Variants in MARCHF7 observed in about 807,000 individuals in gnomAD.
The protein encoded by MARCHF7 is membrane associated ring-CH-type finger 7, also known as E3 ubiquitin-protein ligase MARCHF7.
MARCHF7 carries 20 observed loss-of-function variants against 76.5 expected under a neutral mutation model. The ratio of observed to expected loss-of-function variants is 0.26; its 90% confidence interval spans 0.18 to 0.38. The LOEUF is 0.38. MARCHF7 is among the 10% of genes least tolerant of loss of function. The pLI is 1.00. For synonymous variants in MARCHF7, 295 were observed against 293.0 expected, an observed-to-expected ratio of 1.01 and a Z score of -0.07; for missense variants, 797 against 812.9, an observed-to-expected ratio of 0.98 and a Z score of 0.24.
intron 3 of MARCHF7, among the ~76,000 whole-genome samples, chr2:159,720,343 T>C (rs536341470): frequency 1.3e-5 from 2 of 152,218 alleles, no homozygotes; most frequent in East Asian, 3.9e-4. Context: ...TTCTGAAGAG[T>C]CTAGGCCAAT....
intron 4 of MARCHF7, among the ~76,000 whole-genome samples, chr2:159,730,169 G>C (rs1234080698): frequency 6.6e-6 from 1 of 152,164 alleles, no homozygotes; most frequent in African/African-American, 2.4e-5. Flanking sequence ...CTGAGTAGCT[G>C]AGATTATAGG....
chr2:159,752,687 T>A, intron 8 of MARCHF7, 116 bp downstream of exon 8: 1 of 979,454 alleles, frequency 1.0e-6, no homozygotes, highest in South Asian at 2.3e-5. Context: ...GTCTTAATCA[T>A]TTTTGAAGTC....
intron 4 of MARCHF7, among the ~76,000 whole-genome samples, chr2:159,729,685 A>T (rs1270541208): frequency 2.0e-5 from 3 of 151,828 alleles, no homozygotes; most frequent in Admixed American, 2.0e-4. Flanking sequence ...AAAAAAAAAA[A>T]TGCTTTCCAA....
At chr2:159,744,089 G>A (rs946753656) in intron 5 of MARCHF7, among the ~76,000 whole-genome samples, 28 of 132,210 alleles carry the variant, frequency 2.1e-4, no homozygotes, top group African/African-American at 6.9e-4. Context: ...CCGGGTTCAC[G>A]CCATTCTCCT....
chr2:159,753,315 T>A (rs1705883613), intron 8 of MARCHF7, among the ~76,000 whole-genome samples: 1 of 152,144 alleles, frequency 6.6e-6, no homozygotes, highest in Non-Finnish European at 1.5e-5. Context: ...CTCATGCCTG[T>A]AATCCCAGCA....
intron 4 of MARCHF7, among the ~76,000 whole-genome samples, chr2:159,741,459 A>ATCT (rs34065290): frequency 0.34 from 52,209 of 151,860 alleles, 9,133 homozygotes; most frequent in South Asian, 0.44. Context: ...TTCAGTTACC[A>ATCT]TCTTTGACTC....
chr2:159,767,482 C>T lies in MARCHF7; in HGVS notation c.*140C>T, dbSNP rs1707938714. On this transcript the variant is annotated 3_prime_UTR_variant, in exon 12 of 12. Coordinates refer to ENST00000409175, the MANE Select transcript of MARCHF7 (RefSeq NM_001282805.2). ...ATGAATATATACATACACATGTATG[C>T]CTGTATATATATATTCATTCTCCAG... is the stretch of plus-strand genomic sequence containing the variant. 1.8e-6 allele frequency: 1 copy of T among 546,520 alleles called. No individual in the cohort carries two copies. The highest frequency in any genetic ancestry group is 3.2e-6 in the Non-Finnish European group (1 of 314,042). 33.9% of individuals were successfully genotyped at this position (546,520 alleles called of 1,614,324 possible).
intron 4 of MARCHF7, among the ~76,000 whole-genome samples, chr2:159,735,279 G>A (rs1291726909): frequency 6.6e-6 from 1 of 152,184 alleles, no homozygotes. Flanking sequence ...CTGTTCCTGT[G>A]CATTACATGA....
chr2:159,744,117 AGCTGGGACTACAGG>A (rs1306116043), intron 5 of MARCHF7, among the ~76,000 whole-genome samples: 45 of 147,572 alleles, frequency 3.0e-4, no homozygotes, highest in Non-Finnish European at 6.0e-4. Context: ...CCTCCCAAGT[AGCTGGGACTACAGG>A]CGCCCGCCAC....
At chr2:159,725,410 G>C (rs1702055450) in intron 3 of MARCHF7, among the ~76,000 whole-genome samples, 1 of 152,174 alleles carries the variant, frequency 6.6e-6, no homozygotes, top group Non-Finnish European at 1.5e-5. Flanking sequence ...TTGTGGTTTT[G>C]ATTTGCATTT....
At position 159,734,152 on chromosome 2, in the gene MARCHF7, G is replaced by A. The variant is rs574991527; in HGVS notation, c.153+4977G>A. 4.6e-6 allele frequency: 5 copies of A among 1,091,892 alleles called. No homozygotes were observed. In the Admixed American group the frequency reaches 1.7e-4, roughly 38 times the overall value. 67.6% of individuals were successfully genotyped at this position (1,091,892 alleles called of 1,614,324 possible). ...AAATATTGTTAAAAAGGGGTTATTT[G>A]TGGATATGTAATTTTGTTTTGGTGT... On this transcript the variant is annotated intron_variant, in intron 4 of 11. Coordinates refer to ENST00000409175, the MANE Select transcript of MARCHF7 (RefSeq NM_001282805.2).
intron 3 of MARCHF7, among the ~76,000 whole-genome samples, chr2:159,722,266 T>A (rs774156379): frequency 6.6e-6 from 1 of 152,094 alleles, no homozygotes; most frequent in Non-Finnish European, 1.5e-5. Flanking sequence ...GCCTCCTGAG[T>A]AGCTGGGATC....
chr2:159,744,290 G>A (rs1361014641), intron 5 of MARCHF7, among the ~76,000 whole-genome samples: 1 of 152,012 alleles, frequency 6.6e-6, no homozygotes, highest in Non-Finnish European at 1.5e-5. Context: ...GCCCGGCCTA[G>A]TAGGAGTTCT....
rs1219249018 is a variant in MARCHF7 at position 159,748,477 on chromosome 2, C to T, written c.1187C>T (p.Pro396Leu). The change falls in exon 7 of 12, where the codon CCT (proline) becomes CTT (leucine). Residue 396 changes from proline to leucine, a missense_variant. Transcript: ENST00000409175. ...TCCTCACTTAGAAATAGATGCACAC[C>T]TTTGTTCTCTAGAAGGAGGCGAGAG... ...LSSSLRNRCT[P>L]LFSRRRREGR... is the part of the protein sequence containing the mutation. The T allele has an allele frequency of 2.0e-5, 33 of 1,614,054 alleles. No individual in the cohort carries two copies. The highest frequency in any genetic ancestry group is 2.8e-5 in the Non-Finnish European group (33 of 1,179,970).
chr2:159,731,184 C>T (rs979829381), intron 4 of MARCHF7, among the ~76,000 whole-genome samples: 1 of 152,188 alleles, frequency 6.6e-6, no homozygotes, highest in Non-Finnish European at 1.5e-5. Context: ...TGAGCCACTG[C>T]ACCTGGCCGA....
chr2:159,745,945 T>G lies in MARCHF7; in HGVS notation c.514+8T>G. 1 of 1,601,198 alleles carries G rather than the reference T, an allele frequency of 6.2e-7. No homozygotes were observed. The highest frequency in any genetic ancestry group is 1.1e-5 in the South Asian group (1 of 89,002). On this transcript the variant is annotated splice_region_variant and intron_variant, in intron 6 of 11. Coordinates refer to ENST00000409175, the MANE Select transcript of MARCHF7 (RefSeq NM_001282805.2). ...ATTTCACAACTTCATCATGTATGTATAAATTACATCAAGTATAACTTCTCA... is the reference window on the plus strand; with the variant it reads ...ATTTCACAACTTCATCATGTATGTAGAAATTACATCAAGTATAACTTCTCA...
At chr2:159,755,741 T>C (rs1195004878) in intron 8 of MARCHF7, among the ~76,000 whole-genome samples, 1 of 152,166 alleles carries the variant, frequency 6.6e-6, no homozygotes, top group Non-Finnish European at 1.5e-5. Context: ...ATTGTGAAAT[T>C]GAAGATCTGA....
At chr2:159,745,311 T>C (rs938252703) in intron 5 of MARCHF7, among the ~76,000 whole-genome samples, 1 of 152,168 alleles carries the variant, frequency 6.6e-6, no homozygotes, top group Admixed American at 6.5e-5. Flanking sequence ...GTTTTATGTT[T>C]TACTGAATTG....
At chr2:159,766,057 CAT>C (rs60519124) in intron 11 of MARCHF7, among the ~76,000 whole-genome samples, 11,299 of 152,082 alleles carry the variant, frequency 0.074, 854 homozygotes, top group African/African-American at 0.19. Context: ...CTGCTCCTAA[CAT>C]GTGGGAAGAA....
Sources: allele counts gnomAD v4.1 joint callset (sites outside exome capture counted in the v4.1 genomes callset), GRCh38; gene constraint gnomAD v4.1.1; transcripts MANE v1.5; gene names NCBI Gene and HGNC (gene_info 2026-07-23, HGNC 2026-07-21).